The following LTK variants were observed in gnomAD, a reference collection of about 807,000 sequenced individuals.
LTK encodes the protein leukocyte receptor tyrosine kinase.
A neutral mutation model predicts 101.5 loss-of-function variants in LTK; 117 were observed. The ratio of observed to expected loss-of-function variants is 1.15; its 90% CI spans 0.99 to 1.34. The LOEUF (loss-of-function observed/expected upper bound fraction) is 1.34, where lower values mean the gene tolerates loss of function less well. LTK is among the 40% of genes most tolerant of loss of function. LTK has a pLI of 0.00. For synonymous variants in LTK, 563 were observed against 494.2 expected, an observed-to-expected ratio of 1.14 and a Z score of -1.85; for missense variants, 1,252 against 1,164.7, an observed-to-expected ratio of 1.07 and a Z score of -1.09.
At chr15:41,513,209 G>C (rs1595473463) in intron 1 of LTK, 89 bp from the exon 2 acceptor site, 1 of 1,457,304 alleles carries the variant, frequency 6.9e-7, no homozygotes, top group East Asian at 2.5e-5. Context: ...AGCTGCCCTT[G>C]CGGTCGCGGC....
At chr15:41,508,387 C>T (rs1327478418) in intron 8 of LTK, among the ~76,000 whole-genome samples, 166 bp from the exon 9 acceptor site, 2 of 151,662 alleles carry the variant, frequency 1.3e-5, no homozygotes, top group Admixed American at 1.3e-4. Flanking sequence ...TGGCCAACCC[C>T]GCCTCTACTA....
chr15:41,511,162 A>C lies in LTK; in HGVS notation c.997+2T>G. 1.4e-6 allele frequency: 2 copies of C among 1,402,062 alleles called. No individual in the cohort carries two copies. Among genetic ancestry groups the C allele is most frequent in the Non-Finnish European group, 1.8e-6 (2 of 1,085,916 alleles). 86.9% of individuals were successfully genotyped at this position (1,402,062 alleles called of 1,614,324 possible). A position where few individuals can be genotyped will look rare whatever the true frequency, so the allele number is the denominator to read the frequency against. Reference sequence around the variant, plus strand: ...AGCTGCCCTCTCCAACGGTGCACCTACCCCTGTAGCCGCCGCCGCCTCCGC... The same window carrying C: ...AGCTGCCCTCTCCAACGGTGCACCTCCCCCTGTAGCCGCCGCCGCCTCCGC... On this transcript the variant is annotated splice_donor_variant, in intron 7 of 19. Transcript: ENST00000263800. LOFTEE classifies it high-confidence loss of function. The surrounding 1 kb of genome is among the most constrained non-coding windows in gnomAD (Gnocchi z 5.9).
rs1329671758 is a variant in LTK, at chr15:41,511,867, G to A, written c.607C>T (p.Arg203Cys). The A allele has an allele frequency of 9.3e-6, 11 of 1,188,048 alleles. No homozygotes were observed. Among genetic ancestry groups the A allele is most frequent in the Middle Eastern group, 3.2e-4 (1 of 3,092 alleles). The allele number at this position is 1,188,048 out of a possible 1,614,324, so 73.6% of individuals were successfully genotyped here. The change falls in exon 5 of 20, where the codon CGC (arginine) becomes TGC (cysteine). Residue 203 changes from arginine to cysteine, a missense_variant. By Grantham distance (180) the Arg-to-Cys change is radical (BLOSUM62 -3). Transcript: ENST00000263800. The surrounding 1 kb of genome is among the most constrained non-coding windows in gnomAD (Gnocchi z 5.9). ...CCACCCCCGCCACCTCCCGCCCAGC[G>A]CCGCGACCCCGGGACCCCTTCGCTC... Reference protein sequence around the residue: ...DGSEGVPGSRRWAGGGGGGGG... With the variant: ...DGSEGVPGSRCWAGGGGGGGG...
At chr15:41,509,694 A>G (rs1469655161) in intron 7 of LTK, among the ~76,000 whole-genome samples, 3 of 152,016 alleles carry the variant, frequency 2.0e-5, no homozygotes, top group African/African-American at 7.2e-5. Flanking sequence ...CCCCATCTCT[A>G]CTAAAAATAC....
chr15:41,506,113 C>T (rs1595459585), intron 11 of LTK, 108 bp from the exon 12 acceptor site: 2 of 693,158 alleles, frequency 2.9e-6, no homozygotes, highest in East Asian at 2.6e-5. Flanking sequence ...CCCAGCTGAC[C>T]CTATATAGAC....
Position 41,511,666 on chromosome 15 carries a change from G to A in LTK, c.658-88C>T. 1 of 1,400,170 alleles carries A rather than the reference G, an allele frequency of 7.1e-7. No homozygotes were observed. Among genetic ancestry groups the A allele is most frequent in the Non-Finnish European group, 9.2e-7 (1 of 1,086,208 alleles). 86.7% of individuals were successfully genotyped at this position (1,400,170 alleles called of 1,614,324 possible). A position where few individuals can be genotyped will look rare whatever the true frequency, so the allele number is the denominator to read the frequency against. ...GAGAGGGCTCCCGCCCAGGGGGCCT[G>A]GATAAGGGCAGGGGCCCCCAGCCCA... is the stretch of plus-strand genomic sequence containing the variant. On this transcript the variant is annotated intron_variant, in intron 5 of 19. Transcript: ENST00000263800. This position sits in a 1 kb window ranked among gnomAD's most constrained non-coding sequence, Gnocchi z 5.9.
Position 41,504,811 on chromosome 15 carries a change from G to T in LTK, c.2082C>A (p.Ala694=), listed in dbSNP as rs1167152199. ...LLPVKWMPPE[A]FLEGIFTSKT... ...TGGATGTGAAGATGCCCTCCAGGAAGGCCTCTGGGGGCATCCACTTGACTG... is the reference window on the plus strand; with the variant it reads ...TGGATGTGAAGATGCCCTCCAGGAATGCCTCTGGGGGCATCCACTTGACTG... Residue 694 remains alanine, a synonymous_variant, in exon 17 of 20, where the codon GCC becomes GCA. Coordinates refer to ENST00000263800, the MANE Select transcript of LTK (RefSeq NM_002344.6). 1.9e-6 allele frequency: 3 copies of T among 1,613,276 alleles called. No homozygotes were observed. The Admixed American group carries it at 5.0e-5, about 27-fold the overall frequency.
At chr15:41,504,930 C>A in intron 16 of LTK, 42 bp downstream of exon 16, 1 of 1,596,864 alleles carries the variant, frequency 6.3e-7, no homozygotes, top group Non-Finnish European at 8.6e-7. Context: ...GCGGGGAAAA[C>A]CCCCTTGGAG....
Position 41,511,199 on chromosome 15 carries a change from G to A in LTK, c.962C>T (p.Ala321Val). Reference protein sequence around the residue: ...AAGGFGGGGGACTAGGGGGGY... With the variant: ...AAGGFGGGGGVCTAGGGGGGY... ...GCCGCCGCCTCCGCCCGCAGTGCAG[G>A]CCCCGCCGCCGCCCCCGAAGCCGCC... The change falls in exon 7 of 20, where the codon GCC (alanine) becomes GTC (valine). Residue 321 changes from alanine (A) to valine (V), a missense_variant. By Grantham distance (64) the Ala-to-Val change is moderately conservative. Transcript: ENST00000263800. This position sits in a 1 kb window ranked among gnomAD's most constrained non-coding sequence, Gnocchi z 5.9. 1 of 1,394,748 alleles carries A rather than the reference G, an allele frequency of 7.2e-7. No homozygotes were observed. Among genetic ancestry groups the A allele is most frequent in the South Asian group, 1.6e-5 (1 of 62,702 alleles). The allele number at this position is 1,394,748 out of a possible 1,614,324, so 86.4% of individuals were successfully genotyped here.
chr15:41,505,659 G>C (rs1435266020), intron 13 of LTK, 54 bp downstream of exon 13: 1 of 1,609,548 alleles, frequency 6.2e-7, no homozygotes, highest in African/African-American at 1.3e-5. Flanking sequence ...AAGAGAAACT[G>C]TTCCCGGGCA....
chr15:41,508,335 G>T, intron 8 of LTK, 114 bp from the exon 9 acceptor site: 2 of 843,540 alleles, frequency 2.4e-6, no homozygotes, highest in Admixed American at 3.0e-5. Context: ...TTGGGAGGCC[G>T]TGGTGAGCGG....
rs148814029 is a variant in LTK at position 41,505,030 on chromosome 15, C to T, written c.1960G>A (p.Ala654Thr). The change falls in exon 16 of 20, where the codon GCT (alanine) becomes ACT (threonine). Residue 654 changes from alanine to threonine, a missense_variant. By Grantham distance (58) the Ala-to-Thr change is moderately conservative. Coordinates refer to ENST00000263800, the MANE Select transcript of LTK (RefSeq NM_002344.6). ...IAARNCLLSCAGPSRVAKIGD... is the reference protein window; with the variant it reads ...IAARNCLLSCTGPSRVAKIGD... ...ATCTTGGCCACTCGGCTGGGTCCAGCGCAGCTCAGCAGGCAGTTCCGGGCG... is the reference window on the plus strand; with the variant it reads ...ATCTTGGCCACTCGGCTGGGTCCAGTGCAGCTCAGCAGGCAGTTCCGGGCG... The T allele has an allele frequency of 2.6e-4, 426 of 1,613,574 alleles. 1 individual carries two copies. The highest frequency in any genetic ancestry group is 2.6e-3 in the East Asian group (118 of 44,872).
intron 7 of LTK, 69 bp from the exon 8 acceptor site, chr15:41,509,198 G>T: frequency 1.1e-6 from 1 of 941,598 alleles, no homozygotes; most frequent in Non-Finnish European, 1.8e-6. Flanking sequence ...GGAATCTCCC[G>T]GTGGAAATCC....
rs1472438167 is a variant in LTK at position 41,507,801 on chromosome 15, C to A, written c.1250-144G>T. ...TTATCCTGGGCAAAAGCAACCTCTCCCTCTTGAACACCCCTAAAGCACTTT... is the reference window on the plus strand; with the variant it reads ...TTATCCTGGGCAAAAGCAACCTCTCACTCTTGAACACCCCTAAAGCACTTT... On this transcript the variant is annotated intron_variant, in intron 9 of 19. Transcript: ENST00000263800. The A allele has an allele frequency of 3.4e-6, 3 of 876,052 alleles. No homozygotes were observed. In the South Asian group the frequency reaches 5.4e-5, roughly 16 times the overall value. The allele number at this position is 876,052 out of a possible 1,614,324, so 54.3% of individuals were successfully genotyped here. A position where few individuals can be genotyped will look rare whatever the true frequency, so the allele number is the denominator to read the frequency against.
chr15:41,513,620 A>G (rs749665044), intron 1 of LTK, 47 bp downstream of exon 1: 11 of 1,591,428 alleles, frequency 6.9e-6, no homozygotes, highest in Non-Finnish European at 9.5e-6. Context: ...CAAGCCTAGG[A>G]AAGTGCCTCA....
chr15:41,512,003 C>A (rs573153382), intron 4 of LTK, 40 bp from the exon 5 acceptor site: 3 of 1,438,496 alleles, frequency 2.1e-6, no homozygotes, highest in South Asian at 1.5e-5. Context: ...GGCCCGGGAG[C>A]CTCCCCTCGC....
chr15:41,511,670 A>G lies in LTK; in HGVS notation c.658-92T>C. 7.2e-7 allele frequency: 1 copy of G among 1,396,708 alleles called. No individual in the cohort carries two copies. Among genetic ancestry groups the G allele is most frequent in the Non-Finnish European group, 9.2e-7 (1 of 1,082,890 alleles). 86.5% of individuals were successfully genotyped at this position (1,396,708 alleles called of 1,614,324 possible). On this transcript the variant is annotated intron_variant, in intron 5 of 19. Coordinates refer to ENST00000263800, the MANE Select transcript of LTK (RefSeq NM_002344.6). This position sits in a 1 kb window ranked among gnomAD's most constrained non-coding sequence, Gnocchi z 5.9. ...GGGCTCCCGCCCAGGGGGCCTGGAT[A>G]AGGGCAGGGGCCCCCAGCCCAGCCC...
chr15:41,507,462 G>C (rs1595462023), intron 10 of LTK, 100 bp downstream of exon 10: 1 of 1,556,248 alleles, frequency 6.4e-7, no homozygotes, highest in Non-Finnish European at 8.7e-7. Flanking sequence ...CTGCTGCGGT[G>C]AGTGGTCTTG....
chr15:41,513,255 TGGA>T, intron 1 of LTK, 135 bp from the exon 2 acceptor site: 1 of 1,098,798 alleles, frequency 9.1e-7, no homozygotes, highest in Non-Finnish European at 1.3e-6. Context: ...GCTCTCAGCC[TGGA>T]AGCCACTACC....
Sources: gnomAD v4.1 joint callset for allele counts (sites outside exome capture counted in the v4.1 genomes callset) on GRCh38, gnomAD v4.1.1 for gene constraint, Gnocchi (gnomAD v3.1) non-coding constraint, MANE v1.5 for transcripts, NCBI Gene and HGNC (gene_info 2026-07-23, HGNC 2026-07-21) for gene names.